Variants in TBC1D24 observed in about 807,000 individuals in gnomAD.
TBC1D24 encodes the protein TBC1 domain family member 24.
A neutral mutation model predicts 50.7 loss-of-function variants in TBC1D24; 47 were observed. That is an observed-to-expected ratio of 0.93 (90% CI 0.73 to 1.18). The LOEUF (loss-of-function observed/expected upper bound fraction) is 1.18, where lower values mean the gene tolerates loss of function less well. Ranked by LOEUF, TBC1D24 falls within the 50% of genes most tolerant of loss-of-function variation. The pLI, the probability that TBC1D24 is intolerant of heterozygous loss-of-function variation, is 0.00. For missense variants in TBC1D24, 688 were observed against 766.5 expected (o/e 0.90, Z 1.21); for synonymous variants, 324 against 335.2 (o/e 0.97, Z 0.36).
At chr16:2,494,725 C>T (rs1454862694) in intron 1 of TBC1D24, among the ~76,000 whole-genome samples, 1 of 152,084 alleles carries the variant, frequency 6.6e-6, no homozygotes, top group East Asian at 1.9e-4. Context: ...TCTTGAAGCC[C>T]TTCTGGGAAC....
chr16:2,500,922 G>A lies in TBC1D24; in HGVS notation c.1644G>A (p.Val548=). Residue 548 remains valine (V), a synonymous_variant, in exon 8 of 8, where the codon GTG becomes GTA. Coordinates refer to ENST00000646147, the MANE Select transcript of TBC1D24 (RefSeq NM_001199107.2). The surrounding 1 kb of genome is among the most constrained non-coding windows in gnomAD (Gnocchi z 8.0). ...CCGAGAACTTCCTCATTGCTGCCGT[G>A]GAGGCCTGGGGCTTCCAGGACCCTG... The part of the protein sequence containing the change: ...LCSENFLIAA[V]EAWGFQDPDT... The A allele has an allele frequency of 6.2e-7, 1 of 1,612,580 alleles. No homozygotes were observed. The highest frequency in any genetic ancestry group is 8.5e-7 in the Non-Finnish European group (1 of 1,179,952).
rs367966267 is a variant in TBC1D24, at chr16:2,497,025, C to T, written c.877C>T (p.Arg293Cys). ...EKLLEKAFAI[R>C]LFSRKEIQLL... is the part of the protein sequence containing the mutation. ...GCTGCTGGAGAAAGCGTTCGCCATC[C>T]GCCTCTTCTCCCGCAAGGAGATCCA... Residue 293 changes from arginine to cysteine, a missense_variant, in exon 2 of 8, where the codon CGC (arginine) becomes TGC (cysteine). Coordinates refer to ENST00000646147, the MANE Select transcript of TBC1D24 (RefSeq NM_001199107.2). 1.2e-5 allele frequency: 20 copies of T among 1,613,610 alleles called. No homozygotes were observed. The highest frequency in any genetic ancestry group is 1.6e-4 in the Middle Eastern group (1 of 6,084).
In TBC1D24 at chr16:2,485,279, G is replaced by A. The variant is rs1435432704; in HGVS notation, c.-116+10109G>A. On this transcript the variant is annotated intron_variant, in intron 1 of 7. Coordinates refer to ENST00000646147, the MANE Select transcript of TBC1D24 (RefSeq NM_001199107.2). The surrounding 1 kb of genome is among the most constrained non-coding windows in gnomAD (Gnocchi z 4.6). Reference sequence around the variant, plus strand: ...CTTTCAGCCCCACCCCCAACCGCGGGGAGGGGAGAGGTCCAGAGGTGGAAG... The same window carrying A: ...CTTTCAGCCCCACCCCCAACCGCGGAGAGGGGAGAGGTCCAGAGGTGGAAG... 6.6e-6 allele frequency: 1 copy of A among 152,160 alleles called. No individual in the cohort carries two copies. The highest frequency in any genetic ancestry group is 2.4e-5 in the African/African-American group (1 of 41,414). The allele number at this position is 152,160 out of a possible 1,614,324, so 9.4% of individuals were successfully genotyped here.
chr16:2,485,941 T>A lies in TBC1D24; in HGVS notation c.-115-10093T>A, dbSNP rs1285512066. On this transcript the variant is annotated intron_variant, in intron 1 of 7. Transcript: ENST00000646147. This position sits in a 1 kb window ranked among gnomAD's most constrained non-coding sequence, Gnocchi z 4.6. ...GCCCGCTGCTGCCTGTGCCCCAGGG[T>A]TTCCGGGCACTCCGAGCTTCCCTGG... Among the ~76,000 whole-genome samples, 2 of 152,134 alleles carry A rather than the reference T, an allele frequency of 1.3e-5. No homozygotes were observed. The highest frequency in any genetic ancestry group is 4.8e-5 in the African/African-American group (2 of 41,418).
rs778774105 is a variant in TBC1D24 at position 2,496,630 on chromosome 16, G to T, written c.482G>T (p.Cys161Phe). The change falls in exon 2 of 8, where the codon TGC becomes TTC. Residue 161 changes from cysteine (C) to phenylalanine (F), a missense_variant. By Grantham distance (205) the Cys-to-Phe change is radical. Coordinates refer to ENST00000646147, the MANE Select transcript of TBC1D24 (RefSeq NM_001199107.2). ...GAGAAGGCCTGCCGCATCCTGGCCT[G>T]CAATGACCCCGGCAGGAGGCTGATC... ...CFEKACRILACNDPGRRLIDQ... is the reference protein window; with the variant it reads ...CFEKACRILAFNDPGRRLIDQ... 17 of 1,611,902 alleles carry T rather than the reference G, an allele frequency of 1.1e-5. No individual in the cohort carries two copies. The highest frequency in any genetic ancestry group is 3.4e-6 in the Non-Finnish European group (4 of 1,180,030).
intron 1 of TBC1D24, among the ~76,000 whole-genome samples, chr16:2,490,532 T>A (rs531893102): frequency 2.6e-5 from 4 of 152,338 alleles, no homozygotes; most frequent in African/African-American, 9.6e-5. Context: ...TGCCTTGGGC[T>A]GCCTGAACCC....
intron 1 of TBC1D24, chr16:2,480,718 G>C (rs921917653): frequency 1.3e-5 from 2 of 152,192 alleles, no homozygotes. Context: ...CCCTTTCCCG[G>C]CAAGGGTCCT....
At chr16:2,495,030 AC>A in intron 1 of TBC1D24, among the ~76,000 whole-genome samples, 1 of 151,732 alleles carries the variant, frequency 6.6e-6, no homozygotes, top group African/African-American at 2.4e-5. Context: ...ACACACACAC[AC>A]ACAAAATAAA....
At position 2,475,360 on chromosome 16, in the gene TBC1D24, T is replaced by C. The variant is rs1196268729; in HGVS notation, c.-116+190T>C. ...TCCAGAGCCCGGCACCGCCCGGCGC[T>C]GCAGCTGCGGCTTGGCCTACGGGAG... On this transcript the variant is annotated intron_variant, in intron 1 of 7. Transcript: ENST00000646147. The surrounding 1 kb of genome is among the most constrained non-coding windows in gnomAD (Gnocchi z 4.2). Among the ~76,000 whole-genome samples the C allele has an allele frequency of 6.6e-6, 1 of 150,822 alleles. No individual in the cohort carries two copies. The highest frequency in any genetic ancestry group is 2.4e-5 in the African/African-American group (1 of 41,110).
In TBC1D24 at chr16:2,496,875, G is replaced by A. The variant is rs762660491; in HGVS notation, c.727G>A (p.Val243Met). The change falls in exon 2 of 8, where the codon GTG (valine) becomes ATG (methionine). Residue 243 changes from valine (V) to methionine (M), a missense_variant. Val to Met is a conservative substitution (Grantham distance 21). Coordinates refer to ENST00000646147, the MANE Select transcript of TBC1D24 (RefSeq NM_001199107.2). ...GGAGGGCTACAAGGTGCTGTACCGC[G>A]TGGCGCTGGCCATCCTCAAGTTCTT... The part of the protein sequence containing the change: ...LVEGYKVLYR[V>M]ALAILKFFHK... The A allele has an allele frequency of 8.7e-6, 14 of 1,613,998 alleles. No homozygotes were observed. Among genetic ancestry groups the A allele is most frequent in the East Asian group, 4.5e-5 (2 of 44,906 alleles).
intron 1 of TBC1D24, among the ~76,000 whole-genome samples, chr16:2,492,290 G>A (rs1201920400): frequency 6.6e-6 from 1 of 152,132 alleles, no homozygotes; most frequent in African/African-American, 2.4e-5. Flanking sequence ...TGGCTCGGGG[G>A]TCCCTGTGAG....
At chr16:2,492,629 C>A (rs1354160016) in intron 1 of TBC1D24, among the ~76,000 whole-genome samples, 2 of 152,156 alleles carry the variant, frequency 1.3e-5, no homozygotes, top group African/African-American at 4.8e-5. Flanking sequence ...TGCAGTGTGA[C>A]CCAGGCGTGG....
chr16:2,475,930 G>C lies in TBC1D24; in HGVS notation c.-116+760G>C, dbSNP rs908568339. On this transcript the variant is annotated intron_variant, in intron 1 of 7. Coordinates refer to ENST00000646147, the MANE Select transcript of TBC1D24 (RefSeq NM_001199107.2). This position sits in a 1 kb window ranked among gnomAD's most constrained non-coding sequence, Gnocchi z 4.2. ...GTGGCCCCCGGGTTACTGCTTGCGGGGGTGATATTAAAGGTCAAAGGTTGT... is the reference window on the plus strand; with the variant it reads ...GTGGCCCCCGGGTTACTGCTTGCGGCGGTGATATTAAAGGTCAAAGGTTGT... Among the ~76,000 whole-genome samples, 1 of 152,250 alleles carries C rather than the reference G, an allele frequency of 6.6e-6. No individual in the cohort carries two copies. The highest frequency in any genetic ancestry group is 2.4e-5 in the African/African-American group (1 of 41,464).
chr16:2,500,983 C>T lies in TBC1D24; in HGVS notation c.*25C>T, dbSNP rs372867106. On this transcript the variant is annotated 3_prime_UTR_variant, in exon 8 of 8. Coordinates refer to ENST00000646147, the MANE Select transcript of TBC1D24 (RefSeq NM_001199107.2). The surrounding 1 kb of genome is among the most constrained non-coding windows in gnomAD (Gnocchi z 8.0). ...ACGGCCTGTGCCACGGTGACTGAGC[C>T]GTGGTGGGGCGGTGGGCCGAGGCTG... 1.3e-5 allele frequency: 21 copies of T among 1,605,898 alleles called. No individual in the cohort carries two copies. The African/African-American group carries it at 1.7e-4, about 13-fold the overall frequency.
rs370233833 is a variant in TBC1D24, at chr16:2,497,100, G to A, written c.952G>A (p.Val318Met). ...AGCCCTGAAGCAGAAGGGCATCACC[G>A]TGAAGCAGAAGAGGTAGGTCGCCGG... Reference protein sequence around the residue: ...EKALKQKGITVKQKSVSLSKR... With the variant: ...EKALKQKGITMKQKSVSLSKR... Residue 318 changes from valine (V) to methionine (M), a missense_variant, in exon 2 of 8, where the codon GTG becomes ATG. Coordinates refer to ENST00000646147, the MANE Select transcript of TBC1D24 (RefSeq NM_001199107.2). 7.5e-6 allele frequency: 12 copies of A among 1,604,116 alleles called. No homozygotes were observed. The highest frequency in any genetic ancestry group is 5.0e-5 in the Admixed American group (3 of 60,004).
intron 1 of TBC1D24, chr16:2,479,651 T>A (rs1285793813): frequency 6.6e-6 from 1 of 152,268 alleles, no homozygotes; most frequent in Non-Finnish European, 1.5e-5. Flanking sequence ...GGCCAGCACG[T>A]GGTCCCCCAG....
intron 1 of TBC1D24, among the ~76,000 whole-genome samples, chr16:2,493,079 C>T (rs1007135417): frequency 5.9e-5 from 9 of 151,768 alleles, no homozygotes; most frequent in South Asian, 2.1e-4. Flanking sequence ...GACGACAGTG[C>T]GGCACTCTGT....
At position 2,500,684 on chromosome 16, in the gene TBC1D24, C is replaced by A. The variant is rs1868648775; in HGVS notation, c.1526-120C>A. 1.4e-6 allele frequency: 2 copies of A among 1,414,788 alleles called. No homozygotes were observed. Among genetic ancestry groups the A allele is most frequent in the Admixed American group, 2.2e-5 (1 of 46,322 alleles). The allele number at this position is 1,414,788 out of a possible 1,614,324, so 87.6% of individuals were successfully genotyped here. A position where few individuals can be genotyped will look rare whatever the true frequency, so the allele number is the denominator to read the frequency against. The stretch of plus-strand genomic sequence containing the variant: ...GCTGGTCCTGGGGGCTATGGAGGGT[C>A]AACGGTCTGTGCGGTTTCAGAGAGG... On this transcript the variant is annotated intron_variant, in intron 7 of 7. Coordinates refer to ENST00000646147, the MANE Select transcript of TBC1D24 (RefSeq NM_001199107.2). This position sits in a 1 kb window ranked among gnomAD's most constrained non-coding sequence, Gnocchi z 8.0.
intron 1 of TBC1D24, chr16:2,479,043 C>G (rs1294166238): frequency 6.6e-6 from 1 of 152,110 alleles, no homozygotes; most frequent in Admixed American, 6.5e-5. Context: ...TAGGCGCACA[C>G]CACCATGCCT....
Sources: allele counts gnomAD v4.1 joint callset (sites outside exome capture counted in the v4.1 genomes callset), GRCh38; gene constraint gnomAD v4.1.1; non-coding constraint Gnocchi (gnomAD v3.1); transcripts MANE v1.5; gene names NCBI Gene and HGNC (gene_info 2026-07-23, HGNC 2026-07-21).